The following SORL1 variants were observed in gnomAD, a reference collection of about 807,000 sequenced individuals.
SORL1 encodes the protein sortilin related receptor 1.
Under a neutral mutation model 273.7 loss-of-function variants are expected in SORL1, and 127 were observed. The ratio of observed to expected loss-of-function variants is 0.46; its 90% confidence interval spans 0.40 to 0.54. The LOEUF is 0.54. Among genes scored for constraint, SORL1 ranks in the 20% least tolerant of loss-of-function variants. SORL1 has a pLI of 0.00. For synonymous variants in SORL1, 1,031 were observed against 1,067.4 expected, an observed-to-expected ratio of 0.97 and a Z score of 0.66; for missense variants, 2,494 against 2,846.1, an observed-to-expected ratio of 0.88 and a Z score of 2.81.
At position 121,606,932 on chromosome 11, in the gene SORL1, C is replaced by A. The variant is rs372318707; in HGVS notation, c.5036C>A (p.Thr1679Asn). ...IVGHWAPPIH[T>N]HGLIREYIVE... Reference sequence around the variant, plus strand: ...GGCCACTGGGCTCCTCCCATCCACACCCATGGCCTCATCCGTGAGTACATT... The same window carrying A: ...GGCCACTGGGCTCCTCCCATCCACAACCATGGCCTCATCCGTGAGTACATT... Residue 1679 changes from threonine (T) to asparagine (N), a missense_variant, in exon 36 of 48, where the codon ACC (threonine) becomes AAC (asparagine). Physicochemically the swap from Thr to Asn is moderately conservative, Grantham distance 65. This residue lies in a region of SORL1 where 1,609 missense variants were observed against 1,816.4 expected (regional missense o/e 0.89). Coordinates refer to ENST00000260197, the MANE Select transcript of SORL1 (RefSeq NM_003105.6). The A allele has an allele frequency of 8.7e-6, 14 of 1,613,484 alleles. No homozygotes were observed. In the East Asian group the frequency reaches 2.9e-4, roughly 33 times the overall value.
intron 1 of SORL1, among the ~76,000 whole-genome samples, chr11:121,460,388 T>C (rs929174396): frequency 1.5e-5 from 2 of 131,578 alleles, no homozygotes; most frequent in African/African-American, 5.7e-5. Context: ...TGTAGTGTCA[T>C]GATGAATTTT....
Position 121,606,840 on chromosome 11 carries a change from T to G in SORL1, c.4949-5T>G, listed in dbSNP as rs1863482225. 1 of 1,612,342 alleles carries G rather than the reference T, an allele frequency of 6.2e-7. No individual in the cohort carries two copies. The highest frequency in any genetic ancestry group is 8.5e-7 in the Non-Finnish European group (1 of 1,178,488). ...GTTTTAACCTTGAGTTGACTCTTTT[T>G]CTAGTGCCAGATGCCCCTCGAAATC... is the stretch of plus-strand genomic sequence containing the variant. On this transcript the variant is annotated splice_polypyrimidine_tract_variant and splice_region_variant and intron_variant, in intron 35 of 47. Transcript: ENST00000260197.
At chr11:121,536,850 T>A (rs1197119515) in intron 12 of SORL1, among the ~76,000 whole-genome samples, 1 of 151,840 alleles carries the variant, frequency 6.6e-6, no homozygotes, top group Non-Finnish European at 1.5e-5. Flanking sequence ...AAGTAAGAGG[T>A]CTTATTCCTG....
chr11:121,545,561 A>G, intron 14 of SORL1, 132 bp downstream of exon 14: 1 of 812,434 alleles, frequency 1.2e-6, no homozygotes. Context: ...TTTGTGAAGC[A>G]TCTTTTATGT....
intron 1 of SORL1, among the ~76,000 whole-genome samples, chr11:121,469,255 C>T (rs1861135250): frequency 6.6e-6 from 1 of 152,170 alleles, no homozygotes; most frequent in Non-Finnish European, 1.5e-5. Context: ...GAACTCAGTC[C>T]CAGGCCACAC....
In SORL1 at chr11:121,596,079, C is replaced by T. The variant is rs538074386; in HGVS notation, c.4519+307C>T. On this transcript the variant is annotated intron_variant, in intron 32 of 47. Coordinates refer to ENST00000260197, the MANE Select transcript of SORL1 (RefSeq NM_003105.6). This position sits in a 1 kb window ranked among gnomAD's most constrained non-coding sequence, Gnocchi z 4.3. ...ATAAGCATGTTTAACTCTTTAAAAA[C>T]GCCCTTGGGGAAAGCCACAACTCTT... Among the ~76,000 whole-genome samples the T allele has an allele frequency of 7.2e-5, 11 of 152,186 alleles. No homozygotes were observed. Among genetic ancestry groups the T allele is most frequent in the East Asian group, 3.8e-4 (2 of 5,198 alleles).
intron 31 of SORL1, among the ~76,000 whole-genome samples, chr11:121,591,650 T>C (rs1446852958): frequency 6.6e-6 from 1 of 152,198 alleles, no homozygotes; most frequent in Admixed American, 6.5e-5. Context: ...ACCATATTGT[T>C]GGAGGTGGGG....
At position 121,627,699 on chromosome 11, in the gene SORL1, C is replaced by G. The variant is rs200704013; in HGVS notation, c.6509C>G (p.Thr2170Ser). 3 of 1,614,140 alleles carry G rather than the reference C, an allele frequency of 1.9e-6. No homozygotes were observed. In the African/African-American group the frequency reaches 4.0e-5, roughly 22 times the overall value. Residue 2170 changes from threonine (T) to serine (S), a missense_variant, in exon 47 of 48, where the codon ACC becomes AGC. By Grantham distance (58) the Thr-to-Ser change is moderately conservative. Around this residue, in one of 3 missense-constraint regions of SORL1, gnomAD observed 1,609 missense variants for 1,816.4 expected, o/e 0.89. Transcript: ENST00000260197. This position sits in a 1 kb window ranked among gnomAD's most constrained non-coding sequence, Gnocchi z 4.9. Reference sequence around the variant, plus strand: ...CACCGGAGGCTGCAGAGCAGCTTCACCGCCTTCGCCAACAGCCACTACAGC... The same window carrying G: ...CACCGGAGGCTGCAGAGCAGCTTCAGCGCCTTCGCCAACAGCCACTACAGC... ...TKHRRLQSSFTAFANSHYSSR... is the reference protein window; with the variant it reads ...TKHRRLQSSFSAFANSHYSSR...
At chr11:121,514,127 T>C in intron 7 of SORL1, 25 bp from the exon 8 acceptor site, 1 of 1,606,548 alleles carries the variant, frequency 6.2e-7, no homozygotes, top group South Asian at 1.1e-5. Context: ...TTTTGACGTA[T>C]CTTTTTTGAC....
chr11:121,567,572 A>T (rs1362272258), intron 22 of SORL1, among the ~76,000 whole-genome samples: 1 of 152,216 alleles, frequency 6.6e-6, no homozygotes, highest in Non-Finnish European at 1.5e-5. Context: ...CTCTCACCGT[A>T]GCCTAGCCCA....
chr11:121,467,738 C>T lies in SORL1; in HGVS notation c.286-2269C>T, dbSNP rs565960704. ...TGGAGAGGAGGAAAAGGGAAGGCTT[C>T]AGCGACCGGAGGAGATTCCTTTAGC... On this transcript the variant is annotated intron_variant, in intron 1 of 47. Coordinates refer to ENST00000260197, the MANE Select transcript of SORL1 (RefSeq NM_003105.6). Among the ~76,000 whole-genome samples the T allele has an allele frequency of 1.2e-4, 19 of 152,268 alleles. No individual in the cohort carries two copies. The South Asian group carries it at 3.9e-3, about 32-fold the overall frequency.
intron 12 of SORL1, among the ~76,000 whole-genome samples, chr11:121,539,154 T>C (rs936584652): frequency 2.6e-5 from 4 of 152,234 alleles, no homozygotes; most frequent in Non-Finnish European, 5.9e-5. Context: ...GTGCTTATTT[T>C]ACCATCAGTG....
chr11:121,478,032 CAAAAA>C (rs55896588), intron 2 of SORL1, 81 bp from the exon 3 acceptor site: 333,741 of 1,039,328 alleles, frequency 0.32, 15,846 homozygotes, highest in Non-Finnish European at 0.35. Flanking sequence ...AACTCAGTCT[CAAAAA>C]AAAAAAAAAA....
chr11:121,525,048 G>T (rs913181897), intron 11 of SORL1, among the ~76,000 whole-genome samples: 1 of 152,054 alleles, frequency 6.6e-6, no homozygotes, highest in African/African-American at 2.4e-5. Flanking sequence ...AATTATGGTC[G>T]CCACAATTAA....
intron 13 of SORL1, 43 bp from the exon 14 acceptor site, chr11:121,545,200 G>A: frequency 6.3e-7 from 1 of 1,598,672 alleles, no homozygotes; most frequent in Non-Finnish European, 8.6e-7. Context: ...AACCCTACAT[G>A]GGCCTGCCTC....
intron 18 of SORL1, among the ~76,000 whole-genome samples, chr11:121,556,055 T>G (rs116194059): frequency 0.01 from 1,530 of 152,318 alleles, 23 homozygotes; most frequent in African/African-American, 0.035. Flanking sequence ...TAGGCTTGAC[T>G]CCACTAGCTC....
chr11:121,605,461 T>C lies in SORL1; in HGVS notation c.4838T>C (p.Val1613Ala). The C allele has an allele frequency of 6.2e-7, 1 of 1,614,060 alleles. No individual in the cohort carries two copies. The highest frequency in any genetic ancestry group is 8.5e-7 in the Non-Finnish European group (1 of 1,179,988). Residue 1613 changes from valine (V) to alanine (A), a missense_variant, in exon 35 of 48, where the codon GTA (valine) becomes GCA (alanine). Val to Ala is a moderately conservative substitution (Grantham distance 64, BLOSUM62 0). This residue lies in a region of SORL1 where 1,609 missense variants were observed against 1,816.4 expected (regional missense o/e 0.89). Coordinates refer to ENST00000260197, the MANE Select transcript of SORL1 (RefSeq NM_003105.6). The stretch of plus-strand genomic sequence containing the variant: ...ACCCACAGCAATAAGACAAACACTG[T>C]ATTAAAAGTCTTGAAACCAGATACC... ...LETHSNKTNT[V>A]LKVLKPDTTY...
chr11:121,605,431 T>A lies in SORL1; in HGVS notation c.4808T>A (p.Leu1603Gln), dbSNP rs761139823. The change falls in exon 35 of 48, where the codon CTG becomes CAG. Residue 1603 changes from leucine to glutamine, a missense_variant. By Grantham distance (113) the Leu-to-Gln change is moderately radical. This residue lies in a region of SORL1 where 1,609 missense variants were observed against 1,816.4 expected (regional missense o/e 0.89). Transcript: ENST00000260197. ...RVVGESIWKT[L>Q]ETHSNKTNTV... ...GTTGGAGAGAGCATATGGAAGACTCTGGAGACCCACAGCAATAAGACAAAC... is the reference window on the plus strand; with the variant it reads ...GTTGGAGAGAGCATATGGAAGACTCAGGAGACCCACAGCAATAAGACAAAC... 7.4e-6 allele frequency: 12 copies of A among 1,613,796 alleles called. No homozygotes were observed. In the South Asian group the frequency reaches 1.3e-4, roughly 18 times the overall value.
chr11:121,580,288 G>T (rs1862994458), intron 25 of SORL1, among the ~76,000 whole-genome samples: 1 of 152,152 alleles, frequency 6.6e-6, no homozygotes, highest in African/African-American at 2.4e-5. Context: ...GCCTCATTCT[G>T]TTGTTCTCTT....
Sources: gnomAD v4.1 joint callset for allele counts (sites outside exome capture counted in the v4.1 genomes callset) on GRCh38, gnomAD v4.1.1 for gene constraint, gnomAD v4.1.1 regional missense constraint, Gnocchi (gnomAD v3.1) non-coding constraint, MANE v1.5 for transcripts, NCBI Gene and HGNC (gene_info 2026-07-23, HGNC 2026-07-21) for gene names.